LPIN3: variants seen among roughly 807,000 people sequenced by gnomAD.
The protein encoded by LPIN3 is phosphatidate phosphatase LPIN3.
LPIN3 carries 82 observed loss-of-function variants against 94.7 expected under a neutral mutation model. That is an observed-to-expected ratio of 0.87 (90% confidence interval 0.72 to 1.04). The LOEUF (loss-of-function observed/expected upper bound fraction) is 1.04, where lower values mean the gene tolerates loss of function less well. Ranked by LOEUF, LPIN3 falls within the 50% of genes least tolerant of loss-of-function variation. The pLI, the probability that LPIN3 is intolerant of heterozygous loss-of-function variation, is 0.00. For synonymous variants in LPIN3, 418 were observed against 443.3 expected, an observed-to-expected ratio of 0.94 and a Z score of 0.72; for missense variants, 996 against 1,090.5, an observed-to-expected ratio of 0.91 and a Z score of 1.22.
chr20:41,354,704 T>C lies in LPIN3; in HGVS notation c.1587T>C (p.Phe529=), dbSNP rs1429614810. The C allele has an allele frequency of 1.2e-6, 2 of 1,607,156 alleles. No individual in the cohort carries two copies. The highest frequency in any genetic ancestry group is 1.3e-5 in the African/African-American group (1 of 74,858). ...CCCGGAAGGGTGGGCGATGGTGGTTTTCCTGGCGACGCAGGGACTTCCTGG... is the reference window on the plus strand; with the variant it reads ...CCCGGAAGGGTGGGCGATGGTGGTTCTCCTGGCGACGCAGGGACTTCCTGG... ...KMPRKGGRWW[F]SWRRRDFLAE... Residue 529 remains phenylalanine, a synonymous_variant, in exon 12 of 20, where the codon TTT becomes TTC. Transcript: ENST00000373257.
Position 41,345,841 on chromosome 20 carries a change from G to C in LPIN3, c.38G>C (p.Gly13Ala). Residue 13 changes from glycine (G) to alanine (A), a missense_variant, in exon 2 of 20, where the codon GGG becomes GCG. By Grantham distance (60) the Gly-to-Ala change is moderately conservative (BLOSUM62 0). Transcript: ENST00000373257. ...YVGQLAETVF[G>A]TVKELYRGLN... ...GGGCAGCTGGCGGAGACGGTGTTTG[G>C]GACGGTGAAGGAGCTGTACCGGGGC... 6.2e-7 allele frequency: 1 copy of C among 1,614,100 alleles called. No individual in the cohort carries two copies. The highest frequency in any genetic ancestry group is 8.5e-7 in the Non-Finnish European group (1 of 1,179,974).
rs146909662 is a variant in LPIN3, at chr20:41,349,152, C to T, written c.618C>T (p.Gly206=). The stretch of plus-strand genomic sequence containing the variant: ...AAGACATCTACCCCTACTCGGATGG[C>T]GAGTGGCCCCCCCAGGCCAGGTAAG... ...QPKDIYPYSD[G]EWPPQASLSA... The change falls in exon 5 of 20, where the codon GGC becomes GGT. Residue 206 remains glycine (G), a synonymous_variant. Transcript: ENST00000373257. The T allele has an allele frequency of 1.4e-5, 22 of 1,613,988 alleles. No individual in the cohort carries two copies. Among genetic ancestry groups the T allele is most frequent in the African/African-American group, 1.1e-4 (8 of 74,900 alleles).
intron 11 of LPIN3, among the ~76,000 whole-genome samples, chr20:41,354,413 C>T (rs930558594): frequency 1.3e-5 from 2 of 152,112 alleles, no homozygotes; most frequent in African/African-American, 4.8e-5. Flanking sequence ...AGCTAGGGAC[C>T]GGGGCTGGGG....
chr20:41,358,689 T>C (rs988561538), intron 19 of LPIN3, 33 bp from the exon 20 acceptor site: 2 of 1,610,814 alleles, frequency 1.2e-6, no homozygotes, highest in Non-Finnish European at 1.7e-6. Flanking sequence ...TGGTGGCAGC[T>C]CAGGCTCAGT....
At chr20:41,344,078 A>G (rs1037530645) in intron 1 of LPIN3, among the ~76,000 whole-genome samples, 2 of 152,084 alleles carry the variant, frequency 1.3e-5, no homozygotes, top group African/African-American at 4.8e-5. Context: ...AAAAAAGAAA[A>G]GAAAAGAAAA....
In LPIN3 at chr20:41,360,086, G is replaced by A. The variant is rs1210286536; in HGVS notation, c.*1220G>A. ...GTGGGGACCTGAAGAGCAGCACAGTGGGGCCCGTGCTGCTGTGGGGGAAAC... is the reference window on the plus strand; with the variant it reads ...GTGGGGACCTGAAGAGCAGCACAGTAGGGCCCGTGCTGCTGTGGGGGAAAC... On this transcript the variant is annotated 3_prime_UTR_variant, in exon 20 of 20. Coordinates refer to ENST00000373257, the MANE Select transcript of LPIN3 (RefSeq NM_022896.3). 6.5e-6 allele frequency: 1 copy of A among 152,746 alleles called. No individual in the cohort carries two copies. Among genetic ancestry groups the A allele is most frequent in the African/African-American group, 2.4e-5 (1 of 41,478 alleles). 9.5% of individuals were successfully genotyped at this position (152,746 alleles called of 1,614,324 possible). A position where few individuals can be genotyped will look rare whatever the true frequency, so the allele number is the denominator to read the frequency against.
chr20:41,345,709 T>A, intron 1 of LPIN3, 87 bp from the exon 2 acceptor site: 1 of 1,383,280 alleles, frequency 7.2e-7, no homozygotes, highest in Middle Eastern at 1.9e-4. Flanking sequence ...AAATGTAAAC[T>A]TGGGGGTCTG....
At chr20:41,355,796 C>A in intron 13 of LPIN3, 100 bp from the exon 14 acceptor site, 1 of 1,489,840 alleles carries the variant, frequency 6.7e-7, no homozygotes, top group Non-Finnish European at 9.2e-7. Flanking sequence ...CTGGGTAGGC[C>A]CTGGCATGGC....
intron 2 of LPIN3, among the ~76,000 whole-genome samples, chr20:41,346,694 T>C (rs531442259): frequency 3.9e-5 from 6 of 152,306 alleles, no homozygotes; most frequent in African/African-American, 7.2e-5. Context: ...TGAGCCAAGA[T>C]TGTGCCATTG....
chr20:41,351,671 T>C (rs2146968867), intron 7 of LPIN3, 150 bp from the exon 8 acceptor site: 1 of 640,984 alleles, frequency 1.6e-6, no homozygotes, highest in East Asian at 2.7e-5. Flanking sequence ...GCAGCTAATA[T>C]ATCAGGCAGT....
rs766979548 is a variant in LPIN3, at chr20:41,358,582, G to A, written c.2411+40G>A. 2.2e-5 allele frequency: 35 copies of A among 1,608,934 alleles called. No individual in the cohort carries two copies. In the South Asian group the frequency reaches 2.2e-4, roughly 10 times the overall value. ...TGCCATGTTCCCCATGCCCTACCAC[G>A]TCCCCCTGCCCTGGCTTCTCCCTGG... On this transcript the variant is annotated intron_variant, in intron 19 of 19. Transcript: ENST00000373257.
intron 1 of LPIN3, 109 bp from the exon 2 acceptor site, chr20:41,345,687 A>G: frequency 8.4e-7 from 1 of 1,195,390 alleles, no homozygotes; most frequent in Non-Finnish European, 1.2e-6. Context: ...AAGGCACTCC[A>G]AGGCGTGACA....
intron 10 of LPIN3, 39 bp downstream of exon 10, chr20:41,352,738 C>A: frequency 6.2e-7 from 1 of 1,612,110 alleles, no homozygotes; most frequent in Non-Finnish European, 8.5e-7. Context: ...GCCGGAGAGT[C>A]ATTTCCCTCT....
intron 14 of LPIN3, 43 bp downstream of exon 14, chr20:41,356,077 C>G: frequency 6.2e-7 from 1 of 1,602,196 alleles, no homozygotes; most frequent in Middle Eastern, 1.7e-4. Flanking sequence ...AGGGGCTGAG[C>G]TAATTCTGTC....
At chr20:41,352,569 G>T in intron 9 of LPIN3, 37 bp from the exon 10 acceptor site, 1 of 1,561,578 alleles carries the variant, frequency 6.4e-7, no homozygotes, top group Non-Finnish European at 8.8e-7. Context: ...CACATGGGAT[G>T]TGCCAGCCTC....
chr20:41,341,606 G>A (rs767458954), intron 1 of LPIN3, among the ~76,000 whole-genome samples: 4 of 152,372 alleles, frequency 2.6e-5, no homozygotes, highest in African/African-American at 9.6e-5. Flanking sequence ...CCAAGGTGGG[G>A]TGTGAGGCCT....
Position 41,357,575 on chromosome 20 carries a change from C to T in LPIN3, c.2039+128C>T, listed in dbSNP as rs1206132899. On this transcript the variant is annotated intron_variant, in intron 16 of 19. Transcript: ENST00000373257. ...GCTGCCAGGGCAGGTGCCTGGAGTG[C>T]TGAGACCTCTCTATTGGCCCGCAGT... 9 of 813,706 alleles carry T rather than the reference C, an allele frequency of 1.1e-5. 1 individual carries two copies. In the African/African-American group the frequency reaches 1.5e-4, roughly 14 times the overall value. The allele number at this position is 813,706 out of a possible 1,614,324, so 50.4% of individuals were successfully genotyped here.
At position 41,347,587 on chromosome 20, in the gene LPIN3, G is replaced by C; in HGVS notation, c.228G>C (p.Leu76Phe). ...AGCTCAATGGGGAGCCTGTGGACTT[G>C]CACATGAAGCTTGGGGACAGCGGGG... ...DIELNGEPVD[L>F]HMKLGDSGEA... Residue 76 changes from leucine (L) to phenylalanine (F), a missense_variant, in exon 3 of 20, where the codon TTG becomes TTC. By Grantham distance (22) the Leu-to-Phe change is conservative (BLOSUM62 0). Transcript: ENST00000373257. 1 of 1,614,202 alleles carries C rather than the reference G, an allele frequency of 6.2e-7. No individual in the cohort carries two copies.
chr20:41,349,195 G>A (rs2045907544), intron 5 of LPIN3, 23 bp downstream of exon 5: 1 of 1,605,216 alleles, frequency 6.2e-7, no homozygotes, highest in Non-Finnish European at 8.5e-7. Flanking sequence ...GTGGGCTGCA[G>A]GCCAGGACTC....
Sources: gnomAD v4.1 joint callset for allele counts (sites outside exome capture counted in the v4.1 genomes callset) on GRCh38, gnomAD v4.1.1 for gene constraint, MANE v1.5 for transcripts, NCBI Gene and HGNC (gene_info 2026-07-23, HGNC 2026-07-21) for gene names.